The following GAS7 variants were observed in gnomAD, a reference collection of about 807,000 sequenced individuals.
GAS7 encodes the protein growth arrest specific 7.
A neutral mutation model predicts 71.1 loss-of-function variants in GAS7; 28 were observed. The ratio of observed to expected loss-of-function variants is 0.39; its 90% CI spans 0.29 to 0.54. The LOEUF (loss-of-function observed/expected upper bound fraction) is 0.54, where lower values mean the gene tolerates loss of function less well. Among genes scored for constraint, GAS7 ranks in the 20% least tolerant of loss-of-function variants. The probability of loss-of-function intolerance (pLI) is 0.62; values close to 1 mark genes in which losing one functional copy is unlikely to be tolerated. For missense variants in GAS7, 436 were observed against 627.8 expected (o/e 0.69, Z 3.27); for synonymous variants, 258 against 245.8 (o/e 1.05, Z -0.46).
At chr17:10,181,817 T>C (rs2074419007) in intron 1 of GAS7, among the ~76,000 whole-genome samples, 2 of 152,004 alleles carry the variant, frequency 1.3e-5, no homozygotes, top group Admixed American at 1.3e-4. Context: ...TCAAACAGGA[T>C]CCAGTAAAGG....
intron 1 of GAS7, among the ~76,000 whole-genome samples, chr17:10,134,868 C>T (rs1417428789): frequency 2.6e-5 from 4 of 151,776 alleles, no homozygotes; most frequent in African/African-American, 9.7e-5. Flanking sequence ...GTCTCTCGCC[C>T]TATCGCCAGG....
At chr17:10,071,075 C>A (rs1231924570) in intron 1 of GAS7, among the ~76,000 whole-genome samples, 3 of 151,892 alleles carry the variant, frequency 2.0e-5, no homozygotes, top group Non-Finnish European at 4.4e-5. Context: ...CAATCATGAA[C>A]TCAAAGGAGC....
chr17:10,107,688 C>A (rs2073771844), intron 1 of GAS7, among the ~76,000 whole-genome samples: 1 of 143,938 alleles, frequency 6.9e-6, no homozygotes, highest in Admixed American at 7.1e-5. Context: ...GGAGAACTAC[C>A]TTACACACAG....
At chr17:10,171,792 A>G (rs1005361545) in intron 1 of GAS7, among the ~76,000 whole-genome samples, 5 of 151,592 alleles carry the variant, frequency 3.3e-5, no homozygotes, top group Non-Finnish European at 7.4e-5. Context: ...TTATCTGAGA[A>G]ATGGAATCCA....
chr17:10,063,365 C>T (rs570605993), intron 1 of GAS7, among the ~76,000 whole-genome samples: 4 of 152,332 alleles, frequency 2.6e-5, no homozygotes, highest in South Asian at 4.1e-4. Context: ...AGGAGGACCC[C>T]TTCCATCCTG....
intron 1 of GAS7, among the ~76,000 whole-genome samples, chr17:10,072,177 G>C (rs1416949773): frequency 6.6e-6 from 1 of 152,082 alleles, no homozygotes; most frequent in African/African-American, 2.4e-5. Flanking sequence ...GAGGTAGGGG[G>C]CTGATCTGAA....
chr17:10,050,432 C>A (rs971196225), intron 1 of GAS7, among the ~76,000 whole-genome samples: 9 of 152,188 alleles, frequency 5.9e-5, no homozygotes, highest in Non-Finnish European at 1.2e-4. Context: ...GGCCTGGAGA[C>A]AGAGCTTGGA....
chr17:10,126,364 T>G (rs990561705), intron 1 of GAS7, among the ~76,000 whole-genome samples: 2 of 68,728 alleles, frequency 2.9e-5, no homozygotes, highest in East Asian at 1.8e-3. Flanking sequence ...ACACACACTC[T>G]TGCACACACA....
At chr17:9,955,882 A>G (rs1005774749) in intron 5 of GAS7, among the ~76,000 whole-genome samples, 1 of 151,966 alleles carries the variant, frequency 6.6e-6, no homozygotes, top group African/African-American at 2.4e-5. Flanking sequence ...AGGTAAATGG[A>G]GTGACACCCC....
intron 1 of GAS7, among the ~76,000 whole-genome samples, chr17:10,137,346 C>T (rs1219320433): frequency 2.6e-5 from 4 of 151,908 alleles, no homozygotes; most frequent in African/African-American, 9.7e-5. Context: ...TTAAAGTAAA[C>T]TTCCCCACAA....
chr17:10,135,486 C>T (rs1212594426), intron 1 of GAS7, among the ~76,000 whole-genome samples: 1 of 152,226 alleles, frequency 6.6e-6, no homozygotes. Context: ...ACTGAGCCCG[C>T]CCGAGAGATT....
intron 1 of GAS7, among the ~76,000 whole-genome samples, chr17:10,082,716 T>C (rs1468938354): frequency 6.6e-6 from 1 of 152,232 alleles, no homozygotes. Flanking sequence ...TTATTCATAA[T>C]AGCTAAATCA....
At chr17:9,999,707 A>C (rs1317054891) in intron 2 of GAS7, among the ~76,000 whole-genome samples, 1 of 152,206 alleles carries the variant, frequency 6.6e-6, no homozygotes, top group Admixed American at 6.5e-5. Flanking sequence ...CGGCTCCTTC[A>C]GGCACACAGA....
At chr17:9,956,275 C>G (rs1486262803) in intron 5 of GAS7, among the ~76,000 whole-genome samples, 2 of 152,148 alleles carry the variant, frequency 1.3e-5, no homozygotes, top group South Asian at 2.1e-4. Flanking sequence ...GAAAGCTGAT[C>G]TGGGAGGGTA....
At chr17:10,158,835 A>G (rs1322254865) in intron 1 of GAS7, among the ~76,000 whole-genome samples, 2 of 151,700 alleles carry the variant, frequency 1.3e-5, no homozygotes, top group African/African-American at 2.4e-5. Context: ...TGGGAGGATC[A>G]TTTGAGCTGA....
chr17:10,031,122 A>C (rs2072607070), intron 1 of GAS7, among the ~76,000 whole-genome samples: 1 of 152,158 alleles, frequency 6.6e-6, no homozygotes, highest in South Asian at 2.1e-4. Flanking sequence ...AGGCTGAACC[A>C]CTTGGGACAC....
intron 1 of GAS7, among the ~76,000 whole-genome samples, chr17:10,060,401 G>A (rs536726885): frequency 8.5e-5 from 13 of 152,252 alleles, no homozygotes; most frequent in African/African-American, 3.1e-4. Context: ...ACTTTTCCCT[G>A]CTACCACCAC....
At chr17:10,175,971 G>A (rs923466905) in intron 1 of GAS7, among the ~76,000 whole-genome samples, 17 of 152,126 alleles carry the variant, frequency 1.1e-4, no homozygotes, top group African/African-American at 3.9e-4. Flanking sequence ...ACTGTGCTGG[G>A]CACATCCCCG....
intron 2 of GAS7, among the ~76,000 whole-genome samples, chr17:10,003,434 T>C (rs554585609): frequency 4.4e-4 from 67 of 152,342 alleles, no homozygotes; most frequent in African/African-American, 1.5e-3. Flanking sequence ...CCACTCCATA[T>C]GTCACCAGCC....
Sources: gnomAD v4.1 joint callset for allele counts (sites outside exome capture counted in the v4.1 genomes callset) on GRCh38, gnomAD v4.1.1 for gene constraint, MANE v1.5 for transcripts, NCBI Gene and HGNC (gene_info 2026-07-23, HGNC 2026-07-21) for gene names.